Variants in KMT5B observed in about 807,000 individuals in gnomAD.
KMT5B encodes the protein lysine methyltransferase 5B.
In KMT5B, 10 loss-of-function variants were observed where a neutral mutation model predicts 83.2. The observed-to-expected ratio is 0.12, with a 90% confidence interval of 0.07 to 0.20. KMT5B has a LOEUF of 0.20. KMT5B is among the 10% of genes least tolerant of loss of function. The probability of loss-of-function intolerance (pLI) is 1.00; values close to 1 mark genes in which losing one functional copy is unlikely to be tolerated. For missense variants in KMT5B, 753 were observed against 1,067.2 expected (o/e 0.71, Z 4.10); for synonymous variants, 349 against 388.8 (o/e 0.90, Z 1.20).
intron 2 of KMT5B, among the ~76,000 whole-genome samples, chr11:68,186,941 A>C (rs982304455): frequency 6.6e-6 from 1 of 152,222 alleles, no homozygotes; most frequent in African/African-American, 2.4e-5. Context: ...AACATTGTTA[A>C]ATTTTTGGTA....
intron 2 of KMT5B, among the ~76,000 whole-genome samples, chr11:68,188,751 TA>T (rs1156300772): frequency 6.6e-6 from 1 of 152,192 alleles, no homozygotes; most frequent in Non-Finnish European, 1.5e-5. Context: ...AGTGATTTCC[TA>T]AAAAACTTAA....
rs186579429 is a variant in KMT5B, at chr11:68,198,975, C to T, written c.-76-8823G>A. Among the ~76,000 whole-genome samples the T allele has an allele frequency of 5.4e-3, 818 of 152,306 alleles. 5 individuals are homozygous for T. The highest frequency in any genetic ancestry group is 0.019 in the African/African-American group (784 of 41,550). On this transcript the variant is annotated intron_variant, in intron 1 of 10. Coordinates refer to ENST00000304363, the MANE Select transcript of KMT5B (RefSeq NM_017635.5). ...CAATCTCCTGACCTTGTGATCTGCC[C>T]GCCTTGGCCTCCCATAGTGCTGGGA...
At chr11:68,191,895 T>C (rs1297214401) in intron 1 of KMT5B, among the ~76,000 whole-genome samples, 1 of 152,244 alleles carries the variant, frequency 6.6e-6, no homozygotes, top group Non-Finnish European at 1.5e-5. Flanking sequence ...CTTCAAATCC[T>C]GCAAGTTCCA....
intron 4 of KMT5B, among the ~76,000 whole-genome samples, chr11:68,177,864 T>C (rs1232277801): frequency 6.6e-6 from 1 of 152,142 alleles, no homozygotes; most frequent in Admixed American, 6.6e-5. Flanking sequence ...ACTCAACTAC[T>C]TGTAGCCATC....
At chr11:68,213,306 G>C (rs964748641), upstream of KMT5B, 38 of 147,888 alleles carry the variant, frequency 2.6e-4, 1 homozygote, top group African/African-American at 8.5e-4. Context: ...TGGCGGCGCG[G>C]GCCGCAGCAC....
chr11:68,174,743 A>G (rs1856191460), intron 5 of KMT5B, among the ~76,000 whole-genome samples: 1 of 151,898 alleles, frequency 6.6e-6, no homozygotes, highest in Non-Finnish European at 1.5e-5. Context: ...GAGTCTTGCT[A>G]TGTTGCCCAG....
In KMT5B at chr11:68,156,547, A is replaced by AT. The variant is rs1374634554; in HGVS notation, c.*1140dup. On this transcript the variant is annotated 3_prime_UTR_variant, in exon 11 of 11. Transcript: ENST00000304363. ...CCACTGATGCAGTGCTTAAAACTATATATTTATAATTTCCTATTTTATTGG... is the reference window on the plus strand; with the variant it reads ...CCACTGATGCAGTGCTTAAAACTATATTATTTATAATTTCCTATTTTATTGG... 1 of 152,642 alleles carries AT rather than the reference A, an allele frequency of 6.6e-6. No individual in the cohort carries two copies. The highest frequency in any genetic ancestry group is 6.5e-5 in the Admixed American group (1 of 15,288). 9.5% of individuals were successfully genotyped at this position (152,642 alleles called of 1,614,324 possible). A position where few individuals can be genotyped will look rare whatever the true frequency, so the allele number is the denominator to read the frequency against.
intron 1 of KMT5B, among the ~76,000 whole-genome samples, chr11:68,209,606 C>T (rs1860613869): frequency 6.6e-6 from 1 of 152,078 alleles, no homozygotes; most frequent in Admixed American, 6.6e-5. Context: ...CTACTGGTTC[C>T]CCTAACATGC....
intron 1 of KMT5B, among the ~76,000 whole-genome samples, chr11:68,205,987 T>G (rs902683079): frequency 1.3e-5 from 2 of 152,328 alleles, no homozygotes; most frequent in Non-Finnish European, 2.9e-5. Context: ...AAGAAACTCC[T>G]AATTGCCTTA....
rs1339256372 is a variant in KMT5B at position 68,156,686 on chromosome 11, A to G, written c.*1002T>C. On this transcript the variant is annotated 3_prime_UTR_variant, in exon 11 of 11. Coordinates refer to ENST00000304363, the MANE Select transcript of KMT5B (RefSeq NM_017635.5). Reference sequence around the variant, plus strand: ...ACATATACATTGTTTTCAGTTCTTTACATTGAATCTCAAAGACAAACTTTT... The same window carrying G: ...ACATATACATTGTTTTCAGTTCTTTGCATTGAATCTCAAAGACAAACTTTT... 6.6e-6 allele frequency: 1 copy of G among 152,662 alleles called. No homozygotes were observed. The highest frequency in any genetic ancestry group is 6.5e-5 in the Admixed American group (1 of 15,286). 9.5% of individuals were successfully genotyped at this position (152,662 alleles called of 1,614,324 possible). A position where few individuals can be genotyped will look rare whatever the true frequency, so the allele number is the denominator to read the frequency against.
intron 5 of KMT5B, chr11:68,174,241 T>C (rs533762420): frequency 2.5e-6 from 1 of 398,060 alleles, no homozygotes; most frequent in East Asian, 6.9e-5. Flanking sequence ...ACAAAAAAAG[T>C]AAGATCATTA....
intron 1 of KMT5B, among the ~76,000 whole-genome samples, chr11:68,195,904 C>T (rs545690383): frequency 6.6e-6 from 1 of 152,284 alleles, no homozygotes; most frequent in African/African-American, 2.4e-5. Flanking sequence ...TGCCTGTAAT[C>T]CCAACACTTT....
At chr11:68,180,063 T>C (rs1856764292) in intron 4 of KMT5B, 69 bp downstream of exon 4, 2 of 1,486,734 alleles carry the variant, frequency 1.3e-6, no homozygotes, top group Non-Finnish European at 1.8e-6. Context: ...TTACTTAACA[T>C]AAAAGAACAT....
rs1859396193 is a variant in KMT5B, at chr11:68,157,650, T to C, written c.*38A>G. ...TAATTGACTGGAATTTTTTATTTCT[T>C]TAAAGTAGTTATCCCAGGTCAAGTT... is the stretch of plus-strand genomic sequence containing the variant. On this transcript the variant is annotated 3_prime_UTR_variant, in exon 11 of 11. Coordinates refer to ENST00000304363, the MANE Select transcript of KMT5B (RefSeq NM_017635.5). 7 of 1,501,118 alleles carry C rather than the reference T, an allele frequency of 4.7e-6. No individual in the cohort carries two copies. The highest frequency in any genetic ancestry group is 6.2e-6 in the Non-Finnish European group (7 of 1,128,680). The allele number at this position is 1,501,118 out of a possible 1,614,324, so 93.0% of individuals were successfully genotyped here. A position where few individuals can be genotyped will look rare whatever the true frequency, so the allele number is the denominator to read the frequency against.
Position 68,197,252 on chromosome 11 carries a change from C to T in KMT5B, c.-76-7100G>A, listed in dbSNP as rs559679899. On this transcript the variant is annotated intron_variant, in intron 1 of 10. Coordinates refer to ENST00000304363, the MANE Select transcript of KMT5B (RefSeq NM_017635.5). ...CCTCCCAAAGTGCTGGAATTACAGGCGTGAGCCACCACGCCCGGCCATGGA... is the reference window on the plus strand; with the variant it reads ...CCTCCCAAAGTGCTGGAATTACAGGTGTGAGCCACCACGCCCGGCCATGGA... Among the ~76,000 whole-genome samples the T allele has an allele frequency of 1.5e-4, 23 of 152,192 alleles. No individual in the cohort carries two copies. In the South Asian group the frequency reaches 1.9e-3, roughly 12 times the overall value.
chr11:68,164,806 C>G (rs1590934292), intron 10 of KMT5B: 2 of 450,882 alleles, frequency 4.4e-6, no homozygotes, highest in Non-Finnish European at 9.0e-6. Context: ...AACTTGAAAG[C>G]CTGTGCCTCC....
At chr11:68,164,622 C>T in intron 10 of KMT5B, 1 of 508,766 alleles carries the variant, frequency 2.0e-6, no homozygotes, top group Non-Finnish European at 3.9e-6. Flanking sequence ...CATGCCTATC[C>T]ACTCTGCCCA....
chr11:68,190,172 A>G lies in KMT5B; in HGVS notation c.-76-20T>C, dbSNP rs972293036. On this transcript the variant is annotated intron_variant, in intron 1 of 10. Transcript: ENST00000304363. The stretch of plus-strand genomic sequence containing the variant: ...TCTCTCCTAACAGAAACAAAATATG[A>G]AAAACAAAACAAAATGGGGAGATAA... 1.1e-5 allele frequency: 13 copies of G among 1,163,758 alleles called. 1 individual carries two copies. The African/African-American group carries it at 2.0e-4, about 18-fold the overall frequency. The allele number at this position is 1,163,758 out of a possible 1,614,324, so 72.1% of individuals were successfully genotyped here. A position where few individuals can be genotyped will look rare whatever the true frequency, so the allele number is the denominator to read the frequency against.
intron 4 of KMT5B, among the ~76,000 whole-genome samples, chr11:68,178,485 G>A (rs972476221): frequency 1.3e-4 from 20 of 152,126 alleles, no homozygotes; most frequent in African/African-American, 4.6e-4. Flanking sequence ...TAAAACCCCT[G>A]AAACTATCCC....
Sources: gnomAD v4.1 joint callset for allele counts (sites outside exome capture counted in the v4.1 genomes callset) on GRCh38, gnomAD v4.1.1 for gene constraint, MANE v1.5 for transcripts, NCBI Gene and HGNC (gene_info 2026-07-23, HGNC 2026-07-21) for gene names.